LINGO2: variants seen among roughly 807,000 people sequenced by gnomAD.
The protein encoded by LINGO2 is leucine rich repeat and Ig domain containing 2, also known as leucine-rich repeat and immunoglobulin-like domain-containing nogo receptor-interacting protein 2.
A neutral mutation model predicts 30.6 loss-of-function variants in LINGO2; 14 were observed. The observed-to-expected ratio is 0.46, with a 90% confidence interval of 0.30 to 0.72. LINGO2 has a LOEUF of 0.72. LINGO2 is among the 30% of genes least tolerant of loss of function. The pLI is 0.07. For synonymous variants in LINGO2, 317 were observed against 288.5 expected (o/e 1.10, Z -1.00); for missense variants, 729 against 751.7 (o/e 0.97, Z 0.35).
intron 4 of LINGO2, among the ~76,000 whole-genome samples, chr9:28,083,494 T>C (rs1825828439): frequency 6.6e-6 from 1 of 152,178 alleles, no homozygotes; most frequent in East Asian, 1.9e-4. Flanking sequence ...TTAATTGCTA[T>C]AGTTGCCAGC....
At chr9:28,880,523 C>T in the LINGO2 span, among the ~76,000 whole-genome samples, 26 of 152,152 alleles carry the variant, frequency 1.7e-4, no homozygotes, top group African/African-American at 5.6e-4. Flanking sequence ...TGTGGAAAGC[C>T]GCAGGGACCT....
chr9:28,490,117 G>A (rs577318410), intron 1 of LINGO2, among the ~76,000 whole-genome samples: 1 of 152,082 alleles, frequency 6.6e-6, no homozygotes, highest in African/African-American at 2.4e-5. Flanking sequence ...TATATGGTGT[G>A]AGCTGCTTTC....
At chr9:28,748,054 T>G in the LINGO2 span, among the ~76,000 whole-genome samples, 3 of 152,060 alleles carry the variant, frequency 2.0e-5, no homozygotes, top group Admixed American at 6.5e-5. Flanking sequence ...TTAAACATAC[T>G]TGATTGCTTT....
the LINGO2 span, among the ~76,000 whole-genome samples, chr9:28,844,351 G>A: frequency 6.6e-6 from 1 of 151,762 alleles, no homozygotes; most frequent in South Asian, 2.1e-4. Flanking sequence ...GACAGAATGA[G>A]ACTCTGTCTC....
At chr9:28,736,353 T>C in the LINGO2 span, among the ~76,000 whole-genome samples, 4 of 152,150 alleles carry the variant, frequency 2.6e-5, no homozygotes, top group Admixed American at 2.6e-4. Context: ...ATGTTAGCAG[T>C]ATGTGCTTAG....
At chr9:27,944,326 G>A (rs1351351510), downstream of LINGO2, 1 of 152,108 alleles carries the variant, frequency 6.6e-6, no homozygotes, top group Non-Finnish European at 1.5e-5. Context: ...GAGCTAAAGA[G>A]CACAGCAATC....
At chr9:29,010,677 A>G in the LINGO2 span, among the ~76,000 whole-genome samples, 4 of 152,154 alleles carry the variant, frequency 2.6e-5, no homozygotes, top group Non-Finnish European at 4.4e-5. Flanking sequence ...CTACTACTCA[A>G]TATAGAATTA....
intron 2 of LINGO2, among the ~76,000 whole-genome samples, chr9:28,446,269 C>T (rs1649524243): frequency 6.6e-6 from 1 of 152,120 alleles, no homozygotes; most frequent in African/African-American, 2.4e-5. Context: ...GGATCTGCTC[C>T]ATTATTCATT....
At chr9:28,953,779 T>A in the LINGO2 span, among the ~76,000 whole-genome samples, 24,971 of 151,974 alleles carry the variant, frequency 0.16, 2,082 homozygotes, top group South Asian at 0.2. Flanking sequence ...ATTTTATGAG[T>A]AGTAGTTTCT....
chr9:28,427,776 G>C (rs1045433443), intron 2 of LINGO2, among the ~76,000 whole-genome samples: 1 of 152,072 alleles, frequency 6.6e-6, no homozygotes, highest in Non-Finnish European at 1.5e-5. Flanking sequence ...TGAAAAAGCT[G>C]TGCCAGGAAA....
the LINGO2 span, among the ~76,000 whole-genome samples, chr9:28,743,169 A>G: frequency 6.6e-6 from 1 of 151,770 alleles, no homozygotes; most frequent in Non-Finnish European, 1.5e-5. Context: ...CATCATTTTT[A>G]TTATTTTATT....
At chr9:28,730,413 T>C in the LINGO2 span, among the ~76,000 whole-genome samples, 8 of 152,112 alleles carry the variant, frequency 5.3e-5, no homozygotes, top group Non-Finnish European at 8.8e-5. Flanking sequence ...TGATCTACAA[T>C]GGAAAAAACA....
At chr9:28,847,188 T>C in the LINGO2 span, among the ~76,000 whole-genome samples, 4 of 148,656 alleles carry the variant, frequency 2.7e-5, 1 homozygote, top group Admixed American at 2.7e-4. Context: ...CTCAACTCTC[T>C]GACCCATTTT....
At chr9:28,860,159 T>C in the LINGO2 span, among the ~76,000 whole-genome samples, 5 of 152,080 alleles carry the variant, frequency 3.3e-5, no homozygotes, top group African/African-American at 1.2e-4. Flanking sequence ...TGTTTGAAAA[T>C]CAAAAATTTA....
At chr9:28,965,210 T>C in the LINGO2 span, among the ~76,000 whole-genome samples, 2 of 151,972 alleles carry the variant, frequency 1.3e-5, no homozygotes, top group African/African-American at 4.8e-5. Flanking sequence ...ACTTAAAATT[T>C]ATTTGCCCCA....
the LINGO2 span, among the ~76,000 whole-genome samples, chr9:28,781,780 C>T: frequency 6.6e-6 from 1 of 152,054 alleles, no homozygotes; most frequent in Non-Finnish European, 1.5e-5. Flanking sequence ...GAAAAAAATC[C>T]ACTTAATTCC....
chr9:28,334,391 CT>C (rs1374657928), intron 3 of LINGO2, among the ~76,000 whole-genome samples: 1 of 152,012 alleles, frequency 6.6e-6, no homozygotes, highest in Non-Finnish European at 1.5e-5. Context: ...CAATTGAAGC[CT>C]AGTTAATGAA....
At chr9:29,165,959 A>T in the LINGO2 span, among the ~76,000 whole-genome samples, 4 of 152,124 alleles carry the variant, frequency 2.6e-5, no homozygotes, top group East Asian at 7.7e-4. Context: ...TCTCCAGGAA[A>T]TAAATAAAAT....
At chr9:27,976,678 C>T (rs1010239107) in intron 5 of LINGO2, among the ~76,000 whole-genome samples, 1 of 152,012 alleles carries the variant, frequency 6.6e-6, no homozygotes, top group Non-Finnish European at 1.5e-5. Flanking sequence ...TACTTTTGCC[C>T]ACTATACCAT....
Sources: gnomAD v4.1 joint callset for allele counts (sites outside exome capture counted in the v4.1 genomes callset) on GRCh38, gnomAD v4.1.1 for gene constraint, MANE v1.5 for transcripts, NCBI Gene and HGNC (gene_info 2026-07-23, HGNC 2026-07-21) for gene names.